The following VWC2L variants were observed in gnomAD, a reference collection of about 807,000 sequenced individuals.
The protein encoded by VWC2L is von Willebrand factor C domain containing 2 like.
VWC2L carries 10 observed loss-of-function variants against 21.6 expected under a neutral mutation model. That is an observed-to-expected ratio of 0.46 (90% CI 0.29 to 0.78). VWC2L has a LOEUF of 0.78. VWC2L is among the 30% of genes least tolerant of loss of function. The pLI, the probability that VWC2L is intolerant of heterozygous loss-of-function variation, is 0.10. For missense variants in VWC2L, 209 were observed against 277.1 expected, an observed-to-expected ratio of 0.75 and a Z score of 1.74; for synonymous variants, 96 against 94.3, an observed-to-expected ratio of 1.02 and a Z score of -0.10.
chr2:214,553,109 G>A (rs1319106595), intron 3 of VWC2L, among the ~76,000 whole-genome samples: 1 of 152,040 alleles, frequency 6.6e-6, no homozygotes, highest in Non-Finnish European at 1.5e-5. Flanking sequence ...CTAGTTCAAC[G>A]TGGTCCTTCC....
chr2:214,465,665 G>C (rs989175814), intron 3 of VWC2L, among the ~76,000 whole-genome samples: 1 of 152,152 alleles, frequency 6.6e-6, no homozygotes, highest in Admixed American at 6.5e-5. Context: ...CACTGGCTCA[G>C]AGCCCAGCTC....
chr2:214,544,182 G>T lies in VWC2L; in HGVS notation c.521-31490G>T, dbSNP rs182444581. Reference sequence around the variant, plus strand: ...TCTGTGTTTGTGAAAAGGGGAAAGGGAGTGACTCCAGGAATGGATTGCCGT... The same window carrying T: ...TCTGTGTTTGTGAAAAGGGGAAAGGTAGTGACTCCAGGAATGGATTGCCGT... On this transcript the variant is annotated intron_variant, in intron 3 of 3. Coordinates refer to ENST00000312504, the MANE Select transcript of VWC2L (RefSeq NM_001080500.4). Among the ~76,000 whole-genome samples, 265 of 152,284 alleles carry T rather than the reference G, an allele frequency of 1.7e-3. 1 individual carries two copies. In the South Asian group the frequency reaches 0.018, roughly 10 times the overall value.
intron 3 of VWC2L, among the ~76,000 whole-genome samples, chr2:214,451,297 G>A (rs1336200940): frequency 1.9e-5 from 2 of 105,354 alleles, no homozygotes; most frequent in African/African-American, 9.2e-5. Context: ...GGAAGGATAA[G>A]TGGGTCGGTG....
rs113447890 is a variant in VWC2L at position 214,497,729 on chromosome 2, A to T, written c.520+60971A>T. On this transcript the variant is annotated intron_variant, in intron 3 of 3. Coordinates refer to ENST00000312504, the MANE Select transcript of VWC2L (RefSeq NM_001080500.4). ...ACGAAAATGCCTGTTTCTGGGCCCC[A>T]TCCCAGACCTGATGAATCAGAATCT... Among the ~76,000 whole-genome samples the T allele has an allele frequency of 8.5e-3, 1,293 of 152,284 alleles. 12 individuals are homozygous for T. The highest frequency in any genetic ancestry group is 0.013 in the Non-Finnish European group (894 of 68,020).
At chr2:214,521,583 T>C (rs1040816070) in intron 3 of VWC2L, among the ~76,000 whole-genome samples, 3 of 152,230 alleles carry the variant, frequency 2.0e-5, no homozygotes, top group Non-Finnish European at 4.4e-5. Context: ...CTACATTTGT[T>C]GCCAATAAAA....
intron 3 of VWC2L, among the ~76,000 whole-genome samples, chr2:214,502,249 A>G (rs1688903574): frequency 6.6e-6 from 1 of 152,108 alleles, no homozygotes; most frequent in South Asian, 2.1e-4. Flanking sequence ...TGTTTTGTTC[A>G]TGCAAAGTGT....
chr2:214,520,185 T>C (rs1689213072), intron 3 of VWC2L, among the ~76,000 whole-genome samples: 1 of 152,114 alleles, frequency 6.6e-6, no homozygotes, highest in South Asian at 2.1e-4. Flanking sequence ...TAATCATTGA[T>C]AACATCTGGG....
intron 3 of VWC2L, among the ~76,000 whole-genome samples, chr2:214,465,773 G>A (rs1230684461): frequency 6.6e-6 from 1 of 152,168 alleles, no homozygotes; most frequent in Non-Finnish European, 1.5e-5. Context: ...GGTGGTAGGT[G>A]TAGCCAGAAC....
chr2:214,516,122 T>C (rs1689138806), intron 3 of VWC2L, among the ~76,000 whole-genome samples: 1 of 152,160 alleles, frequency 6.6e-6, no homozygotes, highest in East Asian at 1.9e-4. Flanking sequence ...ATTCAGTGAC[T>C]TCATACTGAT....
chr2:214,567,501 T>C (rs1690081695), intron 3 of VWC2L, among the ~76,000 whole-genome samples: 1 of 151,104 alleles, frequency 6.6e-6, no homozygotes, highest in African/African-American at 2.4e-5. Flanking sequence ...CATGGGGATT[T>C]TGTAGCTGGA....
chr2:214,432,899 G>A (rs1160331531), intron 2 of VWC2L, among the ~76,000 whole-genome samples: 1 of 151,938 alleles, frequency 6.6e-6, no homozygotes, highest in Non-Finnish European at 1.5e-5. Flanking sequence ...GCATGCACCT[G>A]TAATTCCAGC....
At chr2:214,511,672 T>C (rs1427543989) in intron 3 of VWC2L, among the ~76,000 whole-genome samples, 1 of 152,016 alleles carries the variant, frequency 6.6e-6, no homozygotes, top group Non-Finnish European at 1.5e-5. Flanking sequence ...AGCTACCCAG[T>C]GGTATTTCGT....
intron 3 of VWC2L, among the ~76,000 whole-genome samples, chr2:214,539,981 A>G (rs1329592093): frequency 6.6e-6 from 1 of 152,158 alleles, no homozygotes. Flanking sequence ...CAAATTAGCT[A>G]AAGGAACAAC....
At chr2:214,517,476 A>AAATTAACAT (rs1203616659) in intron 3 of VWC2L, among the ~76,000 whole-genome samples, 1 of 152,188 alleles carries the variant, frequency 6.6e-6, no homozygotes, top group African/African-American at 2.4e-5. Context: ...CACACCAAGT[A>AAATTAACAT]AATTAACATC....
chr2:214,503,313 CA>C (rs575626186), intron 3 of VWC2L, among the ~76,000 whole-genome samples: 26 of 151,632 alleles, frequency 1.7e-4, no homozygotes, highest in African/African-American at 6.0e-4. Flanking sequence ...GCCTAAGTCC[CA>C]AAATACTTTC....
intron 3 of VWC2L, among the ~76,000 whole-genome samples, chr2:214,480,569 G>C (rs1327550735): frequency 6.6e-6 from 1 of 152,072 alleles, no homozygotes; most frequent in Non-Finnish European, 1.5e-5. Context: ...AATCAGTCCA[G>C]GGCTAGTGTA....
At chr2:214,430,111 A>AC (rs1284736778) in intron 2 of VWC2L, among the ~76,000 whole-genome samples, 2 of 151,822 alleles carry the variant, frequency 1.3e-5, no homozygotes, top group Non-Finnish European at 2.9e-5. Context: ...AGCGTGAGCC[A>AC]CCGTGCCTGG....
rs763476037 is a variant in VWC2L at position 214,411,084 on chromosome 2, A to G, written c.-783A>G. The G allele has an allele frequency of 2.0e-5, 3 of 152,176 alleles. No individual in the cohort carries two copies. Among genetic ancestry groups the G allele is most frequent in the Non-Finnish European group, 4.4e-5 (3 of 68,044 alleles). 9.4% of individuals were successfully genotyped at this position (152,176 alleles called of 1,614,324 possible). A position where few individuals can be genotyped will look rare whatever the true frequency, so the allele number is the denominator to read the frequency against. Reference sequence around the variant, plus strand: ...CGTCTAAAGCAGCTCTGGGATTTCGACAGAGCTGGGCTCAGAAGCCAGTTG... The same window carrying G: ...CGTCTAAAGCAGCTCTGGGATTTCGGCAGAGCTGGGCTCAGAAGCCAGTTG... On this transcript the variant is annotated 5_prime_UTR_variant, in exon 1 of 4. Coordinates refer to ENST00000312504, the MANE Select transcript of VWC2L (RefSeq NM_001080500.4).
chr2:214,550,430 CAA>C (rs1689775563), intron 3 of VWC2L, among the ~76,000 whole-genome samples: 3 of 151,854 alleles, frequency 2.0e-5, no homozygotes, highest in Admixed American at 6.6e-5. Context: ...CTAATGTATC[CAA>C]CACTTATTAC....
Sources: gnomAD v4.1 joint callset for allele counts (sites outside exome capture counted in the v4.1 genomes callset) on GRCh38, gnomAD v4.1.1 for gene constraint, MANE v1.5 for transcripts, NCBI Gene and HGNC (gene_info 2026-07-23, HGNC 2026-07-21) for gene names.